Variants in EDF1 observed in about 807,000 individuals in gnomAD.
EDF1 encodes the protein endothelial differentiation-related factor 1.
In EDF1, 5 loss-of-function variants were observed where a neutral mutation model predicts 20.8. The observed-to-expected ratio is 0.24, with a 90% confidence interval of 0.13 to 0.51. The LOEUF is 0.51. Ranked by LOEUF, EDF1 falls within the 20% of genes least tolerant of loss-of-function variation. The pLI, the probability that EDF1 is intolerant of heterozygous loss-of-function variation, is 0.97. For missense variants in EDF1, 137 were observed against 197.8 expected (o/e 0.69, Z 1.84); for synonymous variants, 96 against 78.5 (o/e 1.22, Z -1.18).
intron 1 of EDF1, among the ~76,000 whole-genome samples, chr9:136,864,179 T>A (rs1849168872): frequency 6.6e-6 from 1 of 152,062 alleles, no homozygotes; most frequent in Non-Finnish European, 1.5e-5. Flanking sequence ...AAACTCATTA[T>A]ACAAAAGCCT....
chr9:136,864,786 G>A (rs1028771301), intron 1 of EDF1, among the ~76,000 whole-genome samples: 2 of 152,078 alleles, frequency 1.3e-5, no homozygotes, highest in Non-Finnish European at 2.9e-5. Context: ...ACCGTGCCTG[G>A]CTAATTTTTT....
In EDF1 at chr9:136,862,157, G is replaced by T; in HGVS notation, c.*127C>A. 2 of 1,217,986 alleles carry T rather than the reference G, an allele frequency of 1.6e-6. No individual in the cohort carries two copies. Among genetic ancestry groups the T allele is most frequent in the Non-Finnish European group, 2.4e-6 (2 of 834,676 alleles). The allele number at this position is 1,217,986 out of a possible 1,614,324, so 75.4% of individuals were successfully genotyped here. A position where few individuals can be genotyped will look rare whatever the true frequency, so the allele number is the denominator to read the frequency against. ...TTTGTTTGTTTGACAGCAGGAATGG[G>T]CTGGGGAGGGTCCCCCGCAAGCTGG... On this transcript the variant is annotated 3_prime_UTR_variant, in exon 5 of 5. Transcript: ENST00000224073. This position sits in a 1 kb window ranked among gnomAD's most constrained non-coding sequence, Gnocchi z 4.1.
At chr9:136,864,101 G>A (rs530144276) in intron 1 of EDF1, among the ~76,000 whole-genome samples, 1 of 152,034 alleles carries the variant, frequency 6.6e-6, no homozygotes, top group African/African-American at 2.4e-5. Context: ...GAGGCCACGA[G>A]TTCGAGACCA....
In EDF1 at chr9:136,863,847, C is replaced by G; in HGVS notation, c.103G>C (p.Gly35Arg). The change falls in exon 2 of 5, where the codon GGA becomes CGA. Residue 35 changes from glycine to arginine, a missense_variant. Gly to Arg is a moderately radical substitution (Grantham distance 125). Coordinates refer to ENST00000224073, the MANE Select transcript of EDF1 (RefSeq NM_003792.4). The surrounding 1 kb of genome is among the most constrained non-coding windows in gnomAD (Gnocchi z 4.5). Reference sequence around the variant, plus strand: ...TTCTTGGAAGTCTCCACATCTTCTCCTCGTCTCTGTGCCGCTAAGATAGCC... The same window carrying G: ...TTCTTGGAAGTCTCCACATCTTCTCGTCGTCTCTGTGCCGCTAAGATAGCC... ...KQAILAAQRR[G>R]EDVETSKKWA... The G allele has an allele frequency of 6.2e-7, 1 of 1,614,010 alleles. No individual in the cohort carries two copies. The highest frequency in any genetic ancestry group is 8.5e-7 in the Non-Finnish European group (1 of 1,180,012).
At chr9:136,865,804 C>T (rs1408869375) in intron 1 of EDF1, among the ~76,000 whole-genome samples, 1 of 149,840 alleles carries the variant, frequency 6.7e-6, no homozygotes, top group Non-Finnish European at 1.5e-5. Flanking sequence ...CACCTGTCCC[C>T]ACCAACAGTC....
At position 136,863,197 on chromosome 9, in the gene EDF1, T is replaced by C; in HGVS notation, c.291+91A>G. The C allele has an allele frequency of 3.2e-6, 5 of 1,550,318 alleles. No individual in the cohort carries two copies. Among genetic ancestry groups the C allele is most frequent in the Non-Finnish European group, 4.4e-6 (5 of 1,148,758 alleles). Reference sequence around the variant, plus strand: ...ATTCCCTGCAGGGGAACCAGGGGGGTGGAGCCCACCCTCCCCGTGCTATCT... The same window carrying C: ...ATTCCCTGCAGGGGAACCAGGGGGGCGGAGCCCACCCTCCCCGTGCTATCT... On this transcript the variant is annotated intron_variant, in intron 3 of 4. Coordinates refer to ENST00000224073, the MANE Select transcript of EDF1 (RefSeq NM_003792.4). This position sits in a 1 kb window ranked among gnomAD's most constrained non-coding sequence, Gnocchi z 4.5.
intron 1 of EDF1, among the ~76,000 whole-genome samples, chr9:136,864,953 G>A (rs908378945): frequency 2.0e-5 from 3 of 152,212 alleles, no homozygotes; most frequent in Non-Finnish European, 2.9e-5. Flanking sequence ...GGAGTGACTT[G>A]TGGAGCATCC....
At chr9:136,866,114 C>T in intron 1 of EDF1, 67 bp downstream of exon 1, 1 of 1,509,512 alleles carries the variant, frequency 6.6e-7, no homozygotes, top group Non-Finnish European at 8.9e-7. Context: ...CCCCCTGCCC[C>T]ACGGTCCGTG....
At position 136,863,256 on chromosome 9, in the gene EDF1, C is replaced by T. The variant is rs773122165; in HGVS notation, c.291+32G>A. 36 of 1,601,544 alleles carry T rather than the reference C, an allele frequency of 2.2e-5. No individual in the cohort carries two copies. The highest frequency in any genetic ancestry group is 3.0e-5 in the Non-Finnish European group (35 of 1,175,224). On this transcript the variant is annotated intron_variant, in intron 3 of 4. Transcript: ENST00000224073. The surrounding 1 kb of genome is among the most constrained non-coding windows in gnomAD (Gnocchi z 4.5). Reference sequence around the variant, plus strand: ...GCCATCCCCCTCCCCAAACCCACAACCCCAGGAGTGAGAGCCCCGGCGCAG... The same window carrying T: ...GCCATCCCCCTCCCCAAACCCACAATCCCAGGAGTGAGAGCCCCGGCGCAG...
At chr9:136,866,137 C>G (rs773913000) in intron 1 of EDF1, 44 bp downstream of exon 1, 1 of 1,563,424 alleles carries the variant, frequency 6.4e-7, no homozygotes, top group East Asian at 2.5e-5. Flanking sequence ...CCCGGCCCAG[C>G]GTCCGCCCCG....
intron 1 of EDF1, among the ~76,000 whole-genome samples, chr9:136,864,987 C>G (rs1038688236): frequency 1.3e-5 from 2 of 152,212 alleles, no homozygotes; most frequent in Non-Finnish European, 2.9e-5. Context: ...CTCACAGATG[C>G]TGCCACGCAA....
chr9:136,862,189 T>G lies in EDF1; in HGVS notation c.*95A>C. On this transcript the variant is annotated 3_prime_UTR_variant, in exon 5 of 5. Coordinates refer to ENST00000224073, the MANE Select transcript of EDF1 (RefSeq NM_003792.4). The surrounding 1 kb of genome is among the most constrained non-coding windows in gnomAD (Gnocchi z 4.1). Reference sequence around the variant, plus strand: ...AGGGTCCCCCGCAAGCTGGACCCCTTGTTCCGTTCGGCCCGTGAGGAGAAC... The same window carrying G: ...AGGGTCCCCCGCAAGCTGGACCCCTGGTTCCGTTCGGCCCGTGAGGAGAAC... 6.5e-7 allele frequency: 1 copy of G among 1,530,392 alleles called. No individual in the cohort carries two copies. Among genetic ancestry groups the G allele is most frequent in the African/African-American group, 1.4e-5 (1 of 73,074 alleles). 94.8% of individuals were successfully genotyped at this position (1,530,392 alleles called of 1,614,324 possible). A position where few individuals can be genotyped will look rare whatever the true frequency, so the allele number is the denominator to read the frequency against.
chr9:136,863,664 T>G lies in EDF1; in HGVS notation c.130+156A>C, dbSNP rs1849155903. On this transcript the variant is annotated intron_variant, in intron 2 of 4. Transcript: ENST00000224073. The surrounding 1 kb of genome is among the most constrained non-coding windows in gnomAD (Gnocchi z 4.5). Reference sequence around the variant, plus strand: ...CTGTACTCATGCCAACCAGAGCTGCTCTGGGAAGATGGCTGCCTCCCAGGG... The same window carrying G: ...CTGTACTCATGCCAACCAGAGCTGCGCTGGGAAGATGGCTGCCTCCCAGGG... Among the ~76,000 whole-genome samples, 1 of 152,050 alleles carries G rather than the reference T, an allele frequency of 6.6e-6. No homozygotes were observed. Among genetic ancestry groups the G allele is most frequent in the South Asian group, 2.1e-4 (1 of 4,830 alleles).
chr9:136,862,397 C>T lies in EDF1; in HGVS notation c.386-52G>A, dbSNP rs778990964. ...CTGCAGCACCAGCTCCCTCCTCCCC[C>T]CAACGCTGCCCCTCTTCAACATCTT... On this transcript the variant is annotated intron_variant, in intron 4 of 4. Transcript: ENST00000224073. This position sits in a 1 kb window ranked among gnomAD's most constrained non-coding sequence, Gnocchi z 4.1. The T allele has an allele frequency of 7.4e-6, 12 of 1,613,840 alleles. No individual in the cohort carries two copies. Among genetic ancestry groups the T allele is most frequent in the African/African-American group, 1.3e-5 (1 of 74,916 alleles).
Position 136,862,765 on chromosome 9 carries a change from G to C in EDF1, c.385+141C>G, listed in dbSNP as rs1315399432. The C allele has an allele frequency of 1.3e-6, 2 of 1,594,212 alleles. No homozygotes were observed. The highest frequency in any genetic ancestry group is 1.7e-6 in the Non-Finnish European group (2 of 1,172,950). ...ACCATCCCTCAGTCTGTACTACCTG[G>C]AGAAGCAAAGCTCCAGAATTCAGAG... On this transcript the variant is annotated intron_variant, in intron 4 of 4. Coordinates refer to ENST00000224073, the MANE Select transcript of EDF1 (RefSeq NM_003792.4). This position sits in a 1 kb window ranked among gnomAD's most constrained non-coding sequence, Gnocchi z 4.1.
In EDF1 at chr9:136,863,719, T is replaced by G. The variant is rs1849157232; in HGVS notation, c.130+101A>C. ...GGCCAGCACCGGTGCAGGCAGGCAC[T>G]CAGCTGACAACGTCCCCGGGGGCGC... On this transcript the variant is annotated intron_variant, in intron 2 of 4. Coordinates refer to ENST00000224073, the MANE Select transcript of EDF1 (RefSeq NM_003792.4). This position sits in a 1 kb window ranked among gnomAD's most constrained non-coding sequence, Gnocchi z 4.5. 12 of 1,444,204 alleles carry G rather than the reference T, an allele frequency of 8.3e-6. No individual in the cohort carries two copies. The highest frequency in any genetic ancestry group is 1.2e-5 in the Non-Finnish European group (12 of 1,036,660). The allele number at this position is 1,444,204 out of a possible 1,614,324, so 89.5% of individuals were successfully genotyped here.
chr9:136,865,550 C>CT (rs1849199422), intron 1 of EDF1, among the ~76,000 whole-genome samples: 1 of 151,984 alleles, frequency 6.6e-6, no homozygotes, highest in African/African-American at 2.4e-5. Flanking sequence ...AACTGCTGTC[C>CT]AATGGCCCCC....
Position 136,862,409 on chromosome 9 carries a change from C to T in EDF1, c.386-64G>A. 1 of 1,613,968 alleles carries T rather than the reference C, an allele frequency of 6.2e-7. No homozygotes were observed. The highest frequency in any genetic ancestry group is 1.7e-5 in the Admixed American group (1 of 60,026). Reference sequence around the variant, plus strand: ...CTCCCTCCTCCCCCCAACGCTGCCCCTCTTCAACATCTTCCCAGGGAAGGG... The same window carrying T: ...CTCCCTCCTCCCCCCAACGCTGCCCTTCTTCAACATCTTCCCAGGGAAGGG... On this transcript the variant is annotated intron_variant, in intron 4 of 4. Transcript: ENST00000224073. The surrounding 1 kb of genome is among the most constrained non-coding windows in gnomAD (Gnocchi z 4.1).
rs1849113790 is a variant in EDF1, at chr9:136,862,256, G to A, written c.*28C>T. On this transcript the variant is annotated 3_prime_UTR_variant, in exon 5 of 5. Transcript: ENST00000224073. The surrounding 1 kb of genome is among the most constrained non-coding windows in gnomAD (Gnocchi z 4.1). ...GGGAACCGGCGGAACGAGATCAGCT[G>A]GAGCGCACTGATTTCGAGGCTTTGT... is the stretch of plus-strand genomic sequence containing the variant. 6.2e-7 allele frequency: 1 copy of A among 1,613,374 alleles called. No individual in the cohort carries two copies.
Sources: allele counts gnomAD v4.1 joint callset (sites outside exome capture counted in the v4.1 genomes callset), GRCh38; gene constraint gnomAD v4.1.1; non-coding constraint Gnocchi (gnomAD v3.1); transcripts MANE v1.5; gene names NCBI Gene and HGNC (gene_info 2026-07-23, HGNC 2026-07-21).